ZFAND6: variants seen among roughly 807,000 people sequenced by gnomAD.
ZFAND6 encodes zinc finger AN1-type containing 6.
A neutral mutation model predicts 24.5 loss-of-function variants in ZFAND6; 12 were observed. That is an observed-to-expected ratio of 0.49 (90% confidence interval 0.31 to 0.79). ZFAND6 has a LOEUF of 0.79. ZFAND6 is among the 30% of genes least tolerant of loss of function. ZFAND6 has a pLI of 0.04. For missense variants in ZFAND6, 207 were observed against 245.9 expected, an observed-to-expected ratio of 0.84 and a Z score of 1.06; for synonymous variants, 92 against 81.5, an observed-to-expected ratio of 1.13 and a Z score of -0.69.
chr15:80,068,456 C>T (rs1420265440), intron 1 of ZFAND6, among the ~76,000 whole-genome samples: 2 of 152,004 alleles, frequency 1.3e-5, no homozygotes, highest in African/African-American at 4.8e-5. Context: ...ACTGCAGCCT[C>T]CAGCCCCCGG....
intron 3 of ZFAND6, among the ~76,000 whole-genome samples, chr15:80,121,321 A>C (rs1409842033): frequency 6.6e-6 from 1 of 152,216 alleles, no homozygotes; most frequent in Non-Finnish European, 1.5e-5. Context: ...CATCATCTAC[A>C]TTTATAACCT....
At chr15:80,069,514 C>G (rs1052005713) in intron 1 of ZFAND6, among the ~76,000 whole-genome samples, 4 of 152,304 alleles carry the variant, frequency 2.6e-5, no homozygotes, top group Non-Finnish European at 5.9e-5. Context: ...TCCCCAACTC[C>G]TCATACACAC....
intron 4 of ZFAND6, 77 bp downstream of exon 4, chr15:80,121,897 A>T: frequency 8.3e-7 from 1 of 1,203,960 alleles, no homozygotes; most frequent in Non-Finnish European, 1.1e-6. Flanking sequence ...ATTAATAAGG[A>T]AAACTACGTA....
At chr15:80,104,594 TATTG>T (rs2141956985) in intron 2 of ZFAND6, among the ~76,000 whole-genome samples, 1 of 152,348 alleles carries the variant, frequency 6.6e-6, no homozygotes, top group Non-Finnish European at 1.5e-5. Context: ...TTTCAGGTAT[TATTG>T]ACCATATCAT....
intron 5 of ZFAND6, among the ~76,000 whole-genome samples, chr15:80,127,962 A>T (rs1007225788): frequency 4.0e-5 from 6 of 151,560 alleles, no homozygotes; most frequent in Admixed American, 1.3e-4. Context: ...ATCATTGGAT[A>T]AAAAAAAATG....
chr15:80,079,689 G>T lies in ZFAND6; in HGVS notation c.-180-18727G>T, dbSNP rs192534644. Among the ~76,000 whole-genome samples, 120 of 129,006 alleles carry T rather than the reference G, an allele frequency of 9.3e-4. 1 individual carries two copies. Among genetic ancestry groups the T allele is most frequent in the Admixed American group, 2.7e-3 (29 of 10,872 alleles). 84.6% of individuals were successfully genotyped at this position (129,006 alleles called of 152,430 possible). On this transcript the variant is annotated intron_variant, in intron 1 of 6. Coordinates refer to ENST00000261749, the MANE Select transcript of ZFAND6 (RefSeq NM_019006.4). ...TTTTGAAATGGAGTCTCGCTGTGTC[G>T]CCCAGGCTGGAGTGCAGTGGCGCAA...
chr15:80,102,212 T>C (rs1443513786), intron 2 of ZFAND6, among the ~76,000 whole-genome samples: 1 of 152,110 alleles, frequency 6.6e-6, no homozygotes, highest in Non-Finnish European at 1.5e-5. Context: ...TGCAGTGGCA[T>C]GATTCTCCTG....
chr15:80,127,064 C>T lies in ZFAND6; in HGVS notation c.365-4116C>T, dbSNP rs548409228. Reference sequence around the variant, plus strand: ...TTGAGGCTGCAGTGAGCCATTAACGCACCACTGCACTTCAGCCTGGGTCAC... The same window carrying T: ...TTGAGGCTGCAGTGAGCCATTAACGTACCACTGCACTTCAGCCTGGGTCAC... On this transcript the variant is annotated intron_variant, in intron 5 of 6. Coordinates refer to ENST00000261749, the MANE Select transcript of ZFAND6 (RefSeq NM_019006.4). Among the ~76,000 whole-genome samples, 45 of 152,060 alleles carry T rather than the reference C, an allele frequency of 3.0e-4. 1 individual carries two copies. The highest frequency in any genetic ancestry group is 1.1e-3 in the African/African-American group (45 of 41,490).
chr15:80,127,001 G>C (rs1237515938), intron 5 of ZFAND6, among the ~76,000 whole-genome samples: 1 of 152,040 alleles, frequency 6.6e-6, no homozygotes, highest in African/African-American at 2.4e-5. Flanking sequence ...CTACTGGGTA[G>C]GGAGGCTGAG....
At chr15:80,077,390 C>A (rs921669330) in intron 1 of ZFAND6, among the ~76,000 whole-genome samples, 7 of 152,170 alleles carry the variant, frequency 4.6e-5, no homozygotes, top group African/African-American at 1.4e-4. Flanking sequence ...GATTTGGAAT[C>A]ATTTTCATTT....
chr15:80,098,011 T>G (rs1216798682), intron 1 of ZFAND6, among the ~76,000 whole-genome samples: 2 of 152,190 alleles, frequency 1.3e-5, no homozygotes, highest in Non-Finnish European at 2.9e-5. Context: ...AATCTCATTC[T>G]CCCTAGTCCG....
chr15:80,110,679 A>G (rs2039562953), intron 2 of ZFAND6, among the ~76,000 whole-genome samples: 1 of 152,172 alleles, frequency 6.6e-6, no homozygotes, highest in Admixed American at 6.6e-5. Flanking sequence ...AGAGCCTAGG[A>G]AAAGACCCAT....
At chr15:80,110,634 A>G (rs1005340415) in intron 2 of ZFAND6, among the ~76,000 whole-genome samples, 5 of 152,066 alleles carry the variant, frequency 3.3e-5, no homozygotes, top group Non-Finnish European at 7.3e-5. Flanking sequence ...ATAATTTAGA[A>G]TAGGATAGAG....
At chr15:80,061,142 A>C (rs1027999454) in intron 1 of ZFAND6, among the ~76,000 whole-genome samples, 6 of 152,220 alleles carry the variant, frequency 3.9e-5, no homozygotes, top group African/African-American at 1.4e-4. Flanking sequence ...ATGCACGTTT[A>C]GCTTTCCAAA....
chr15:80,091,857 C>A (rs2038398367), intron 1 of ZFAND6, among the ~76,000 whole-genome samples: 1 of 152,138 alleles, frequency 6.6e-6, no homozygotes, highest in African/African-American at 2.4e-5. Flanking sequence ...CCAGGCTGGT[C>A]TTGAACTCCT....
intron 5 of ZFAND6, among the ~76,000 whole-genome samples, chr15:80,126,177 C>CTT (rs749526307): frequency 3.0e-4 from 45 of 152,244 alleles, no homozygotes; most frequent in Non-Finnish European, 5.0e-4. Flanking sequence ...CTTTCCTACT[C>CTT]TGAGGGTTTC....
chr15:80,116,380 A>G (rs2039877697), intron 2 of ZFAND6, among the ~76,000 whole-genome samples: 2 of 152,192 alleles, frequency 1.3e-5, no homozygotes, highest in South Asian at 2.1e-4. Flanking sequence ...ATTAAAAATT[A>G]AAGCTGAGAA....
chr15:80,133,174 G>GTT (rs932215585), intron 6 of ZFAND6, among the ~76,000 whole-genome samples: 6 of 143,670 alleles, frequency 4.2e-5, no homozygotes, highest in African/African-American at 1.3e-4. Context: ...AAAGGATGGT[G>GTT]TTTTTTTTTG....
intron 5 of ZFAND6, among the ~76,000 whole-genome samples, chr15:80,124,215 C>A (rs1002308296): frequency 6.6e-6 from 1 of 152,138 alleles, no homozygotes; most frequent in Non-Finnish European, 1.5e-5. Context: ...GGGTGGATCA[C>A]GAGGTCAGGA....
Sources: gnomAD v4.1 joint callset for allele counts (sites outside exome capture counted in the v4.1 genomes callset) on GRCh38, gnomAD v4.1.1 for gene constraint, MANE v1.5 for transcripts, NCBI Gene and HGNC (gene_info 2026-07-23, HGNC 2026-07-21) for gene names.